Variants in ASAP1 observed in about 807,000 individuals in gnomAD.
ASAP1 encodes the protein arf-GAP with SH3 domain, ANK repeat and PH domain-containing protein 1.
In ASAP1, 43 loss-of-function variants were observed where a neutral mutation model predicts 145.2. The ratio of observed to expected loss-of-function variants is 0.30; its 90% CI spans 0.23 to 0.38. The LOEUF is 0.38. ASAP1 is among the 10% of genes least tolerant of loss of function. The pLI is 1.00. For synonymous variants in ASAP1, 546 were observed against 515.5 expected (o/e 1.06, Z -0.80); for missense variants, 1,018 against 1,355.3 (o/e 0.75, Z 3.91).
chr8:130,052,295 C>T lies in ASAP1; in HGVS notation c.*2436G>A, dbSNP rs1403408464. 1 of 152,608 alleles carries T rather than the reference C, an allele frequency of 6.6e-6. No homozygotes were observed. Among genetic ancestry groups the T allele is most frequent in the Non-Finnish European group, 1.5e-5 (1 of 68,036 alleles). 9.5% of individuals were successfully genotyped at this position (152,608 alleles called of 1,614,324 possible). A position where few individuals can be genotyped will look rare whatever the true frequency, so the allele number is the denominator to read the frequency against. Reference sequence around the variant, plus strand: ...GTGGCACTACAGGATTCCTATACAACATGTTGAAGTTCTAGGCAATAAAAA... The same window carrying T: ...GTGGCACTACAGGATTCCTATACAATATGTTGAAGTTCTAGGCAATAAAAA... On this transcript the variant is annotated 3_prime_UTR_variant, in exon 30 of 30. Coordinates refer to ENST00000518721, the MANE Select transcript of ASAP1 (RefSeq NM_018482.4).
intron 3 of ASAP1, among the ~76,000 whole-genome samples, chr8:130,251,198 A>C (rs1819174975): frequency 6.6e-6 from 1 of 152,114 alleles, no homozygotes. Flanking sequence ...TAGGTGGATC[A>C]CTTGAGGTCA....
intron 1 of ASAP1, among the ~76,000 whole-genome samples, chr8:130,426,221 TCCG>T (rs1829911393): frequency 6.6e-6 from 1 of 152,126 alleles, no homozygotes; most frequent in African/African-American, 2.4e-5. Context: ...TTTCTCCTGC[TCCG>T]CCATGTAAGA....
rs148780552 is a variant in ASAP1, at chr8:130,166,293, G to A, written c.909+1243C>T. On this transcript the variant is annotated intron_variant, in intron 11 of 29. Transcript: ENST00000518721. ...CAAAATGTTTGGATTACAGGCATGA[G>A]CCACTGCTCTTAAATTTAACCCATA... Among the ~76,000 whole-genome samples the A allele has an allele frequency of 1.1e-4, 16 of 152,312 alleles. No individual in the cohort carries two copies. The East Asian group carries it at 2.9e-3, about 28-fold the overall frequency.
At chr8:130,402,732 A>G (rs1269381348) in intron 1 of ASAP1, among the ~76,000 whole-genome samples, 1 of 151,746 alleles carries the variant, frequency 6.6e-6, no homozygotes, top group African/African-American at 2.4e-5. Flanking sequence ...TCCCCAATTC[A>G]TGTCTACTTT....
chr8:130,390,933 T>TAC (rs1554902141), intron 2 of ASAP1, among the ~76,000 whole-genome samples: 3 of 133,146 alleles, frequency 2.3e-5, no homozygotes, highest in African/African-American at 6.4e-5. Context: ...TGGGTATATA[T>TAC]CCCCCGCCCC....
intron 26 of ASAP1, among the ~76,000 whole-genome samples, chr8:130,078,605 C>T (rs528920414): frequency 9.9e-5 from 15 of 152,208 alleles, no homozygotes; most frequent in Admixed American, 6.5e-5. Context: ...TTTATGAGTG[C>T]TTTTGGAGTG....
At chr8:130,197,610 G>A (rs1385019377) in intron 5 of ASAP1, among the ~76,000 whole-genome samples, 2 of 152,192 alleles carry the variant, frequency 1.3e-5, no homozygotes, top group African/African-American at 4.8e-5. Flanking sequence ...GAGACACAGT[G>A]GATGCAAATA....
At chr8:130,133,372 A>G (rs1030586811) in intron 15 of ASAP1, among the ~76,000 whole-genome samples, 3 of 152,210 alleles carry the variant, frequency 2.0e-5, no homozygotes, top group African/African-American at 7.2e-5. Flanking sequence ...ACTCCAACCC[A>G]GGGGCCGGGC....
At chr8:130,165,984 A>C (rs1235111768) in intron 11 of ASAP1, among the ~76,000 whole-genome samples, 6 of 152,048 alleles carry the variant, frequency 3.9e-5, no homozygotes. Flanking sequence ...AAAATGCTGT[A>C]TTTCATGTTA....
chr8:130,072,822 T>TGTGTGTGTGTGTGTGTGCGTGTGC (rs1554816353), intron 27 of ASAP1, among the ~76,000 whole-genome samples: 2 of 26,036 alleles, frequency 7.7e-5, no homozygotes, highest in African/African-American at 1.4e-4. Flanking sequence ...TGTGTGTGTG[T>TGTGTGTGTGTGTGTGTGCGTGTGC]GTGCGCGCGG....
At chr8:130,260,100 C>A (rs897981996) in intron 3 of ASAP1, among the ~76,000 whole-genome samples, 1 of 152,164 alleles carries the variant, frequency 6.6e-6, no homozygotes, top group Non-Finnish European at 1.5e-5. Context: ...CATTAAGAAT[C>A]TATGTTTTTC....
intron 3 of ASAP1, among the ~76,000 whole-genome samples, chr8:130,323,966 C>T (rs187222441): frequency 6.6e-6 from 1 of 152,190 alleles, no homozygotes; most frequent in African/African-American, 2.4e-5. Context: ...CCCAGAGCTG[C>T]CAGGGCTTCC....
chr8:130,397,347 G>A (rs1586970876), intron 2 of ASAP1, among the ~76,000 whole-genome samples: 1 of 152,270 alleles, frequency 6.6e-6, no homozygotes, highest in South Asian at 2.1e-4. Context: ...CGCCATGTTG[G>A]CCAGGCTGGT....
rs531931352 is a variant in ASAP1, at chr8:130,420,284, G to C, written c.-27-18314C>G. On this transcript the variant is annotated intron_variant, in intron 1 of 29. Coordinates refer to ENST00000518721, the MANE Select transcript of ASAP1 (RefSeq NM_018482.4). ...CACACACACACACACACACACAATA[G>C]CAATAACAAGTCTTGGCGAGGATGT... Among the ~76,000 whole-genome samples the C allele has an allele frequency of 3.6e-5, 5 of 139,612 alleles. No homozygotes were observed. In the East Asian group the frequency reaches 8.6e-4, roughly 24 times the overall value. 91.6% of individuals were successfully genotyped at this position (139,612 alleles called of 152,430 possible). A position where few individuals can be genotyped will look rare whatever the true frequency, so the allele number is the denominator to read the frequency against.
At chr8:130,056,047 G>C (rs1175747730) in intron 29 of ASAP1, among the ~76,000 whole-genome samples, 1 of 152,010 alleles carries the variant, frequency 6.6e-6, no homozygotes, top group African/African-American at 2.4e-5. Flanking sequence ...TTCCCCGCAG[G>C]TATCTCTGCT....
chr8:130,409,662 T>A (rs528249269), intron 1 of ASAP1, among the ~76,000 whole-genome samples: 150 of 152,342 alleles, frequency 9.8e-4, no homozygotes, highest in South Asian at 2.9e-3. Flanking sequence ...ATGCCGAGGC[T>A]GCTGGACCTT....
intron 3 of ASAP1, among the ~76,000 whole-genome samples, chr8:130,253,660 G>C (rs1201387650): frequency 6.6e-6 from 1 of 152,114 alleles, no homozygotes; most frequent in Non-Finnish European, 1.5e-5. Flanking sequence ...TATGGCATTA[G>C]AACAGAAAAT....
At chr8:130,121,097 C>A (rs923400726) in intron 18 of ASAP1, among the ~76,000 whole-genome samples, 1 of 152,216 alleles carries the variant, frequency 6.6e-6, no homozygotes, top group African/African-American at 2.4e-5. Flanking sequence ...ATCCTGTTGG[C>A]TCTCCCTTCA....
chr8:130,110,573 T>C (rs892804523), intron 24 of ASAP1, among the ~76,000 whole-genome samples: 1 of 152,218 alleles, frequency 6.6e-6, no homozygotes, highest in Non-Finnish European at 1.5e-5. Flanking sequence ...ACATACATTT[T>C]AGTACAATGT....
Sources: gnomAD v4.1 joint callset for allele counts (sites outside exome capture counted in the v4.1 genomes callset) on GRCh38, gnomAD v4.1.1 for gene constraint, MANE v1.5 for transcripts, NCBI Gene and HGNC (gene_info 2026-07-23, HGNC 2026-07-21) for gene names.